The following NAP1L4 variants were observed in gnomAD, a reference collection of about 807,000 sequenced individuals.
The protein encoded by NAP1L4 is nucleosome assembly protein 1 like 4, also known as nucleosome assembly protein 1-like 4.
NAP1L4 carries 15 observed loss-of-function variants against 58.2 expected under a neutral mutation model. The observed-to-expected ratio is 0.26, with a 90% CI of 0.17 to 0.40. The LOEUF is 0.40. Among genes scored for constraint, NAP1L4 ranks in the 10% least tolerant of loss-of-function variants. The pLI is 1.00. For synonymous variants in NAP1L4, 171 were observed against 155.6 expected (o/e 1.10, Z -0.74); for missense variants, 384 against 451.1 (o/e 0.85, Z 1.35).
rs1388804223 is a variant in NAP1L4, at chr11:2,979,196, C to T, written c.14+11G>A. 6.2e-7 allele frequency: 1 copy of T among 1,610,520 alleles called. No individual in the cohort carries two copies. The highest frequency in any genetic ancestry group is 2.2e-5 in the East Asian group (1 of 44,736). On this transcript the variant is annotated intron_variant, in intron 2 of 15. Coordinates refer to ENST00000380542, the MANE Select transcript of NAP1L4 (RefSeq NM_005969.4). ...TTTAAACTCCAATAAACAAAGTCCA[C>T]TTTGGCTTACCTGTGATCTGCCATC...
At chr11:2,970,815 A>G (rs575899977) in intron 6 of NAP1L4, among the ~76,000 whole-genome samples, 1 of 151,114 alleles carries the variant, frequency 6.6e-6, no homozygotes, top group African/African-American at 2.4e-5. Context: ...AAAGCATCAA[A>G]AACACATATG....
chr11:2,945,602 C>CGCTTCCTACTGCTG lies in NAP1L4; in HGVS notation c.*63_*76dup. On this transcript the variant is annotated 3_prime_UTR_variant, in exon 16 of 16. Transcript: ENST00000380542. ...AGCCGGTCTGCCAGGCACCCGCCTC[C>CGCTTCCTACTGCTG]GCTTCCTACTGCTGCTTGCATTCCG... 2 of 1,536,046 alleles carry CGCTTCCTACTGCTG rather than the reference C, an allele frequency of 1.3e-6. No individual in the cohort carries two copies. The highest frequency in any genetic ancestry group is 4.9e-5 in the East Asian group (2 of 40,918).
chr11:2,972,337 G>A, intron 4 of NAP1L4, 94 bp from the exon 5 acceptor site: 1 of 1,146,402 alleles, frequency 8.7e-7, no homozygotes, highest in Non-Finnish European at 1.2e-6. Flanking sequence ...GGTTAACATG[G>A]AATCAACATC....
chr11:2,968,132 C>T (rs749494032), intron 7 of NAP1L4, among the ~76,000 whole-genome samples: 15 of 152,186 alleles, frequency 9.9e-5, no homozygotes, highest in Non-Finnish European at 1.8e-4. Flanking sequence ...GCCATGGCCA[C>T]TCCCCATGCC....
chr11:2,967,832 A>T (rs1353532402), intron 7 of NAP1L4, among the ~76,000 whole-genome samples: 1 of 152,154 alleles, frequency 6.6e-6, no homozygotes, highest in East Asian at 1.9e-4. Context: ...ACTACTACAG[A>T]GGTGCTGGGA....
rs369435227 is a variant in NAP1L4, at chr11:2,954,674, T to C, written c.916-28A>G. The stretch of plus-strand genomic sequence containing the variant: ...GAGGAGGAAAAACCTACGTGTTAAC[T>C]CATTTTAATGGGATAAAAACATTCA... On this transcript the variant is annotated intron_variant, in intron 11 of 15. Coordinates refer to ENST00000380542, the MANE Select transcript of NAP1L4 (RefSeq NM_005969.4). The surrounding 1 kb of genome is among the most constrained non-coding windows in gnomAD (Gnocchi z 4.8). The C allele has an allele frequency of 5.0e-6, 8 of 1,613,948 alleles. No individual in the cohort carries two copies. Among genetic ancestry groups the C allele is most frequent in the Non-Finnish European group, 6.8e-6 (8 of 1,179,948 alleles).
At chr11:2,960,229 G>A in intron 8 of NAP1L4, 1 of 275,522 alleles carries the variant, frequency 3.6e-6, no homozygotes. Context: ...CTGGAAGGAG[G>A]GAAGGTGACT....
In NAP1L4 at chr11:2,954,575, C is replaced by A; in HGVS notation, c.987G>T (p.Pro329=). The A allele has an allele frequency of 6.2e-7, 1 of 1,614,176 alleles. No individual in the cohort carries two copies. The highest frequency in any genetic ancestry group is 1.1e-5 in the South Asian group (1 of 91,082). The change falls in exon 12 of 16, where the codon CCG becomes CCT. Residue 329 remains proline (P), a synonymous_variant. Coordinates refer to ENST00000380542, the MANE Select transcript of NAP1L4 (RefSeq NM_005969.4). The surrounding 1 kb of genome is among the most constrained non-coding windows in gnomAD (Gnocchi z 4.8). ...CCCCAGTGAAGTACAGCACAGCCCG[C>A]GGGACTATCCGCTCACGGAAAAAGT... ...IGHFFRERIV[P]RAVLYFTGEA... is the part of the protein sequence containing the mutation.
At chr11:2,952,560 CT>C (rs967218509) in intron 12 of NAP1L4, 1 of 152,328 alleles carries the variant, frequency 6.6e-6, no homozygotes, top group African/African-American at 2.4e-5. Flanking sequence ...TTCGGTGGAA[CT>C]TAGAAGGGCC....
chr11:2,956,150 C>T (rs895019388), intron 10 of NAP1L4, among the ~76,000 whole-genome samples: 28 of 152,336 alleles, frequency 1.8e-4, no homozygotes, highest in Middle Eastern at 3.4e-3. Flanking sequence ...CAGAACTATA[C>T]ATGATGGTGC....
chr11:2,979,579 C>G (rs910679052), intron 1 of NAP1L4, among the ~76,000 whole-genome samples: 2 of 152,104 alleles, frequency 1.3e-5, no homozygotes, highest in African/African-American at 4.8e-5. Context: ...TCGAGACCGG[C>G]CTGACCAACA....
chr11:2,946,539 A>G lies in NAP1L4; in HGVS notation c.*33-893T>C, dbSNP rs1431558169. 2.0e-5 allele frequency among the ~76,000 whole-genome samples: 3 copies of G among 152,326 alleles called. No homozygotes were observed. Among genetic ancestry groups the G allele is most frequent in the African/African-American group, 7.2e-5 (3 of 41,582 alleles). ...TAAGATTACAAATTGCCCTTAATCC[A>G]GCGTGCCTATGGAACCTAAGAACTT... On this transcript the variant is annotated intron_variant, in intron 15 of 15. Coordinates refer to ENST00000380542, the MANE Select transcript of NAP1L4 (RefSeq NM_005969.4). The surrounding 1 kb of genome is among the most constrained non-coding windows in gnomAD (Gnocchi z 4.8).
intron 10 of NAP1L4, among the ~76,000 whole-genome samples, chr11:2,957,806 T>C (rs888050643): frequency 6.6e-6 from 1 of 152,198 alleles, no homozygotes; most frequent in African/African-American, 2.4e-5. Flanking sequence ...TTTTCAAAAA[T>C]GAAAGTCCCA....
rs529063662 is a variant in NAP1L4, at chr11:2,991,533, CGTGA to C, written c.-18+717_-18+720del. Among the ~76,000 whole-genome samples, 996 of 152,260 alleles carry C rather than the reference CGTGA, an allele frequency of 6.5e-3. 11 individuals carry two copies. Among genetic ancestry groups the C allele is most frequent in the African/African-American group, 0.023 (937 of 41,550 alleles). ...CCACCTTGGCTGGGAAACCAAGTCC[CGTGA>C]GTAACTAGTCTAAGGCCACTCAGGC... On this transcript the variant is annotated intron_variant, in intron 1 of 15. Transcript: ENST00000380542.
chr11:2,954,596 A>G lies in NAP1L4; in HGVS notation c.966T>C (p.Phe322=), dbSNP rs766348464. The G allele has an allele frequency of 1.2e-6, 2 of 1,614,104 alleles. No homozygotes were observed. Among genetic ancestry groups the G allele is most frequent in the African/African-American group, 1.3e-5 (1 of 74,928 alleles). ...TLASDFEIGH[F]FRERIVPRAV... is the part of the protein sequence containing the mutation. ...CCCGCGGGACTATCCGCTCACGGAA[A>G]AAGTGTCCAATTTCAAAATCAGAGG... Residue 322 remains phenylalanine, a synonymous_variant, in exon 12 of 16, where the codon TTT becomes TTC. Coordinates refer to ENST00000380542, the MANE Select transcript of NAP1L4 (RefSeq NM_005969.4). This position sits in a 1 kb window ranked among gnomAD's most constrained non-coding sequence, Gnocchi z 4.8.
intron 6 of NAP1L4, among the ~76,000 whole-genome samples, chr11:2,970,833 A>G (rs1377126077): frequency 8.0e-6 from 1 of 125,510 alleles, no homozygotes; most frequent in Non-Finnish European, 1.6e-5. Flanking sequence ...ATGGCTACCA[A>G]AATCATCATA....
chr11:2,986,373 CAA>C (rs34433683), intron 1 of NAP1L4, among the ~76,000 whole-genome samples: 23 of 108,590 alleles, frequency 2.1e-4, no homozygotes, highest in Admixed American at 3.3e-4. Flanking sequence ...GACCCTGTCT[CAA>C]AAAAAAAAAA....
chr11:2,960,906 C>G (rs1007373188), intron 8 of NAP1L4, among the ~76,000 whole-genome samples: 7 of 152,164 alleles, frequency 4.6e-5, no homozygotes, highest in Admixed American at 3.9e-4. Flanking sequence ...CTCAGACAGC[C>G]TGGATTCAAA....
At chr11:2,962,970 C>G (rs1311892346) in intron 8 of NAP1L4, among the ~76,000 whole-genome samples, 3 of 151,108 alleles carry the variant, frequency 2.0e-5, no homozygotes, top group Non-Finnish European at 4.4e-5. Flanking sequence ...CGTGGTGGTG[C>G]GTGCCTGTAG....
Sources: gnomAD v4.1 joint callset for allele counts (sites outside exome capture counted in the v4.1 genomes callset) on GRCh38, gnomAD v4.1.1 for gene constraint, Gnocchi (gnomAD v3.1) non-coding constraint, MANE v1.5 for transcripts, NCBI Gene and HGNC (gene_info 2026-07-23, HGNC 2026-07-21) for gene names.